TAAR5: variants seen among roughly 807,000 people sequenced by gnomAD.
TAAR5 encodes the protein trace amine-associated receptor 5.
A neutral mutation model predicts 21.1 loss-of-function variants in TAAR5; 27 were observed. That is an observed-to-expected ratio of 1.28 (90% CI 0.94 to 1.76). The LOEUF is 1.76. Ranked by LOEUF, TAAR5 falls within the 40% of genes most tolerant of loss-of-function variation. TAAR5 has a pLI of 0.00. For synonymous variants in TAAR5, 203 were observed against 167.5 expected (o/e 1.21, Z -1.64); for missense variants, 495 against 405.6 (o/e 1.22, Z -1.89).
At position 132,588,604 on chromosome 6, in the gene TAAR5, G is replaced by T. The variant is rs1211505139; in HGVS notation, c.*69C>A. 1.7e-5 allele frequency: 26 copies of T among 1,528,564 alleles called. No homozygotes were observed. The highest frequency in any genetic ancestry group is 2.0e-5 in the Non-Finnish European group (22 of 1,126,072). The allele number at this position is 1,528,564 out of a possible 1,614,324, so 94.7% of individuals were successfully genotyped here. Reference sequence around the variant, plus strand: ...ATGCCCACAAACTCAACACCACACAGCCCACGGTCACAGTGCCACTTATCT... The same window carrying T: ...ATGCCCACAAACTCAACACCACACATCCCACGGTCACAGTGCCACTTATCT... On this transcript the variant is annotated 3_prime_UTR_variant, in exon 1 of 1. Transcript: ENST00000258034.
At chr6:132,596,807 T>C in the TAAR5 span, among the ~76,000 whole-genome samples, 2 of 152,190 alleles carry the variant, frequency 1.3e-5, no homozygotes, top group Non-Finnish European at 2.9e-5. Flanking sequence ...GAATAAATTG[T>C]TTACTAGTCA....
At chr6:132,607,254 A>G in the TAAR5 span, among the ~76,000 whole-genome samples, 1 of 151,546 alleles carries the variant, frequency 6.6e-6, no homozygotes, top group Non-Finnish European at 1.5e-5. Flanking sequence ...GGAACATTCT[A>G]CTCTCCTTCT....
At chr6:132,596,209 T>C in the TAAR5 span, among the ~76,000 whole-genome samples, 1 of 152,206 alleles carries the variant, frequency 6.6e-6, no homozygotes, top group South Asian at 2.1e-4. Context: ...CCTGTTTTCG[T>C]CTTATATTCG....
chr6:132,609,059 C>T, the TAAR5 span: 20,994 of 454,490 alleles, frequency 0.046, 701 homozygotes, highest in East Asian at 0.096. Flanking sequence ...TCCGTGGTTG[C>T]CATGGAGAGG....
chr6:132,608,793 A>G, the TAAR5 span: 3 of 456,026 alleles, frequency 6.6e-6, no homozygotes, highest in South Asian at 3.1e-5. Flanking sequence ...AACCAAAAGA[A>G]AAAAGAGCAG....
the TAAR5 span, among the ~76,000 whole-genome samples, chr6:132,614,861 G>A: frequency 1.3e-5 from 2 of 151,892 alleles, no homozygotes; most frequent in Admixed American, 6.6e-5. Context: ...GTTTGGTTTT[G>A]GTTTTGGTTT....
the TAAR5 span, among the ~76,000 whole-genome samples, chr6:132,599,665 C>T: frequency 6.6e-6 from 1 of 152,108 alleles, no homozygotes; most frequent in African/African-American, 2.4e-5. Flanking sequence ...ACAAATTATT[C>T]ATATTTAAAT....
the TAAR5 span, among the ~76,000 whole-genome samples, chr6:132,611,201 G>T: frequency 1.5e-5 from 2 of 134,300 alleles, no homozygotes; most frequent in Admixed American, 7.4e-5. Flanking sequence ...CACTTATTTA[G>T]GGAGCTAAAA....
At chr6:132,600,856 GGAAGGAAGGAAGGAGA>G in the TAAR5 span, among the ~76,000 whole-genome samples, 5 of 113,270 alleles carry the variant, frequency 4.4e-5, no homozygotes, top group Admixed American at 8.8e-5. Context: ...AAGGAAGGAG[GGAAGGAAGGAAGGAGA>G]GAGGGAAGGA....
chr6:132,598,978 C>G, the TAAR5 span, among the ~76,000 whole-genome samples: 1 of 152,190 alleles, frequency 6.6e-6, no homozygotes, highest in Non-Finnish European at 1.5e-5. Flanking sequence ...ATTCTTTAAT[C>G]TCTAGTGAAA....
chr6:132,591,531 C>T (rs1776907472), upstream of TAAR5, among the ~76,000 whole-genome samples: 1 of 152,188 alleles, frequency 6.6e-6, no homozygotes, highest in Admixed American at 6.5e-5. Context: ...ATGCCAGCTT[C>T]ATATGTGTGG....
chr6:132,605,336 T>G, the TAAR5 span, among the ~76,000 whole-genome samples: 503 of 152,328 alleles, frequency 3.3e-3, 5 homozygotes, highest in African/African-American at 0.012. Flanking sequence ...TCCAAATGAA[T>G]ATTTATAGTC....
Position 132,589,515 on chromosome 6 carries a change from C to A in TAAR5, c.172G>T (p.Ala58Ser). ...IVLGNVFVAF[A>S]VSYFKALHTP... ...TGAAGCGCTTTGAAGTAGGACACAG[C>A]AAATGCCACAAATACATTCCCTAGC... The change falls in exon 1 of 1, where the codon GCT becomes TCT. Residue 58 changes from alanine (A) to serine (S), a missense_variant. Physicochemically the swap from Ala to Ser is moderately conservative, Grantham distance 99 (BLOSUM62 1). Transcript: ENST00000258034. 1 of 1,613,946 alleles carries A rather than the reference C, an allele frequency of 6.2e-7. No homozygotes were observed. The highest frequency in any genetic ancestry group is 8.5e-7 in the Non-Finnish European group (1 of 1,179,956).
At chr6:132,605,441 T>C in the TAAR5 span, among the ~76,000 whole-genome samples, 3 of 152,200 alleles carry the variant, frequency 2.0e-5, no homozygotes, top group Non-Finnish European at 4.4e-5. Flanking sequence ...GCTAAGTCTA[T>C]CCAAATAGAT....
At chr6:132,598,122 G>A in the TAAR5 span, among the ~76,000 whole-genome samples, 5 of 152,184 alleles carry the variant, frequency 3.3e-5, no homozygotes, top group East Asian at 9.7e-4. Flanking sequence ...TGGTTACATA[G>A]CCCAAACAAT....
rs1416551621 is a variant in TAAR5, at chr6:132,589,220, A to G, written c.467T>C (p.Leu156Pro). The G allele has an allele frequency of 6.2e-7, 1 of 1,606,162 alleles. No homozygotes were observed. The highest frequency in any genetic ancestry group is 8.5e-7 in the Non-Finnish European group (1 of 1,175,960). The change falls in exon 1 of 1, where the codon CTG becomes CCG. Residue 156 changes from leucine (L) to proline (P), a missense_variant. Transcript: ENST00000258034. ...FTVRVALRYI[L>P]AGWGVPAAYT... ...TGCTGCGGGCACCCCCCATCCTGCC[A>G]GGATGTACCTGAGAGCCACCCTCAC...
At chr6:132,604,193 G>C in the TAAR5 span, among the ~76,000 whole-genome samples, 2 of 139,322 alleles carry the variant, frequency 1.4e-5, no homozygotes, top group Non-Finnish European at 3.0e-5. Flanking sequence ...CGCCAGGCTA[G>C]AGTACAGTGG....
the TAAR5 span, among the ~76,000 whole-genome samples, chr6:132,610,018 T>G: frequency 1.3e-5 from 2 of 152,116 alleles, no homozygotes; most frequent in Non-Finnish European, 2.9e-5. Flanking sequence ...TTCTCTGAGA[T>G]TCTAACTAGT....
chr6:132,599,634 C>G, the TAAR5 span, among the ~76,000 whole-genome samples: 1 of 152,116 alleles, frequency 6.6e-6, no homozygotes, highest in African/African-American at 2.4e-5. Context: ...CAGCCCAAAG[C>G]TTGCTCTTGT....
Sources: gnomAD v4.1 joint callset for allele counts (sites outside exome capture counted in the v4.1 genomes callset) on GRCh38, gnomAD v4.1.1 for gene constraint, MANE v1.5 for transcripts, NCBI Gene and HGNC (gene_info 2026-07-23, HGNC 2026-07-21) for gene names.